Variants in TLK1 observed in about 807,000 individuals in gnomAD.
TLK1 encodes tousled like kinase 1, also known as serine/threonine-protein kinase tousled-like 1.
Under a neutral mutation model 105.3 loss-of-function variants are expected in TLK1, and 24 were observed. That is an observed-to-expected ratio of 0.23 (90% CI 0.17 to 0.32). The LOEUF (loss-of-function observed/expected upper bound fraction) is 0.32, where lower values mean the gene tolerates loss of function less well. Ranked by LOEUF, TLK1 falls within the 10% of genes least tolerant of loss-of-function variation. TLK1 has a pLI of 1.00. For missense variants in TLK1, 558 were observed against 910.5 expected, an observed-to-expected ratio of 0.61 and a Z score of 4.98; for synonymous variants, 321 against 310.4, an observed-to-expected ratio of 1.03 and a Z score of -0.36.
intron 1 of TLK1, among the ~76,000 whole-genome samples, chr2:171,118,423 A>T (rs1322073441): frequency 6.6e-6 from 1 of 152,232 alleles, no homozygotes; most frequent in Non-Finnish European, 1.5e-5. Context: ...TAAACTATAA[A>T]GAACTGTTTT....
chr2:171,120,248 GAAAAAAAA>G (rs71008751), intron 1 of TLK1, among the ~76,000 whole-genome samples: 3 of 47,054 alleles, frequency 6.4e-5, no homozygotes, highest in South Asian at 9.7e-4. Flanking sequence ...GACTCCGTCA[GAAAAAAAA>G]AAAAAAAAAA....
Position 171,160,796 on chromosome 2 carries a change from C to T in TLK1, c.-368G>A, listed in dbSNP as rs1692463929. ...GCCGAGGACACTTCCGCGGGCGGAA[C>T]CTGCCGGCACCTCTGCAGTGCGTCG... On this transcript the variant is annotated 5_prime_UTR_variant, in exon 1 of 21. Coordinates refer to ENST00000431350, the MANE Select transcript of TLK1 (RefSeq NM_012290.5). The surrounding 1 kb of genome is among the most constrained non-coding windows in gnomAD (Gnocchi z 4.4). The T allele has an allele frequency of 2.1e-5, 8 of 390,006 alleles. No homozygotes were observed. In the South Asian group the frequency reaches 8.7e-4, roughly 42 times the overall value. 24.2% of individuals were successfully genotyped at this position (390,006 alleles called of 1,614,324 possible).
At chr2:171,128,984 A>ATGTG in intron 1 of TLK1, among the ~76,000 whole-genome samples, 1 of 150,088 alleles carries the variant, frequency 6.7e-6, no homozygotes, top group South Asian at 2.1e-4. Context: ...GTGTGTGTGT[A>ATGTG]TGTGTGTGTG....
chr2:171,049,793 T>TAA, intron 10 of TLK1, 21 bp downstream of exon 10: 2 of 1,611,622 alleles, frequency 1.2e-6, no homozygotes, highest in African/African-American at 2.7e-5. Context: ...TAAAAACTTT[T>TAA]AAATGTTAAG....
At chr2:171,153,457 T>C (rs1016191812) in intron 1 of TLK1, among the ~76,000 whole-genome samples, 6 of 152,254 alleles carry the variant, frequency 3.9e-5, no homozygotes, top group African/African-American at 1.2e-4. Context: ...AGAGAGATGA[T>C]GTATGTGAAA....
intron 1 of TLK1, among the ~76,000 whole-genome samples, chr2:171,130,441 G>A (rs1575616037): frequency 1.3e-5 from 2 of 152,096 alleles, no homozygotes; most frequent in Non-Finnish European, 1.5e-5. Flanking sequence ...TCCATCACAG[G>A]GTTGTTCACA....
chr2:171,060,928 G>A (rs1198736275), intron 4 of TLK1, among the ~76,000 whole-genome samples, 153 bp downstream of exon 4: 1 of 152,110 alleles, frequency 6.6e-6, no homozygotes, highest in African/African-American at 2.4e-5. Flanking sequence ...ACATTGAAAA[G>A]CCTAAAAGCA....
chr2:171,200,763 A>G (rs1356118525), intron 1 of TLK1, among the ~76,000 whole-genome samples: 2 of 152,174 alleles, frequency 1.3e-5, no homozygotes, highest in Non-Finnish European at 2.9e-5. Context: ...TTAAGTCTTA[A>G]TTAGCAACAG....
chr2:171,172,268 G>A (rs749153562), intron 1 of TLK1, among the ~76,000 whole-genome samples: 31 of 152,168 alleles, frequency 2.0e-4, no homozygotes, highest in Non-Finnish European at 3.7e-4. Flanking sequence ...GAGGATAGGA[G>A]GGAGGCTTCT....
At chr2:171,076,159 A>G (rs1254016928) in intron 3 of TLK1, among the ~76,000 whole-genome samples, 1 of 151,484 alleles carries the variant, frequency 6.6e-6, no homozygotes, top group Admixed American at 6.6e-5. Flanking sequence ...GGGAAGTTGC[A>G]GTGAGCCAAG....
intron 2 of TLK1, among the ~76,000 whole-genome samples, chr2:171,098,680 C>T (rs1295662112): frequency 2.0e-5 from 3 of 152,138 alleles, no homozygotes; most frequent in African/African-American, 7.2e-5. Flanking sequence ...AAGAAAATTA[C>T]AGATCAATAT....
chr2:171,084,320 G>A (rs1185552693), intron 2 of TLK1, among the ~76,000 whole-genome samples: 2 of 152,190 alleles, frequency 1.3e-5, no homozygotes, highest in African/African-American at 2.4e-5. Context: ...GAGCAGTCTA[G>A]CCTCCACGAA....
intron 1 of TLK1, among the ~76,000 whole-genome samples, chr2:171,142,707 A>C (rs1293227069): frequency 6.6e-6 from 1 of 152,252 alleles, no homozygotes; most frequent in Non-Finnish European, 1.5e-5. Context: ...AATAGGAGCA[A>C]ACAAATGCAA....
intron 1 of TLK1, among the ~76,000 whole-genome samples, chr2:171,182,931 A>AGAAAGAAAGAAAGAAAGAAAG (rs1692952001): frequency 8.9e-6 from 1 of 111,960 alleles, no homozygotes; most frequent in African/African-American, 6.0e-5. Context: ...CCAAAAAAAA[A>AGAAAGAAAGAAAGAAAGAAAG]AAAAAAAGAA....
intron 2 of TLK1, among the ~76,000 whole-genome samples, chr2:171,114,668 C>T (rs1420049392): frequency 6.6e-6 from 1 of 152,128 alleles, no homozygotes; most frequent in African/African-American, 2.4e-5. Flanking sequence ...AACCTCTTCA[C>T]TACTAAAAAT....
chr2:171,065,152 A>G (rs1383255029), intron 3 of TLK1, among the ~76,000 whole-genome samples: 1 of 152,320 alleles, frequency 6.6e-6, no homozygotes, highest in East Asian at 1.9e-4. Context: ...AAAACAGATA[A>G]CCACCTGTAT....
At chr2:171,012,507 G>A (rs944693546) in intron 13 of TLK1, among the ~76,000 whole-genome samples, 3 of 151,786 alleles carry the variant, frequency 2.0e-5, no homozygotes, top group African/African-American at 7.3e-5. Context: ...ATTTTTTGGA[G>A]ACAGAGTCTC....
At chr2:171,073,946 A>G (rs1275431605) in intron 3 of TLK1, among the ~76,000 whole-genome samples, 1 of 127,734 alleles carries the variant, frequency 7.8e-6, no homozygotes, top group Non-Finnish European at 1.6e-5. Context: ...GCTGGAGTGC[A>G]GTGGTGCAAT....
Position 171,055,163 on chromosome 2 carries a change from T to C in TLK1, c.559A>G (p.Asn187Asp). The change falls in exon 7 of 21, where the codon AAT becomes GAT. Residue 187 changes from asparagine (N) to aspartate (D), a missense_variant. Around this residue, in one of 5 missense-constraint regions of TLK1, gnomAD observed 196 missense variants for 239.3 expected, o/e 0.82. Coordinates refer to ENST00000431350, the MANE Select transcript of TLK1 (RefSeq NM_012290.5). ...HSTPSSSVRP[N>D]SPSPTALAFG... The stretch of plus-strand genomic sequence containing the variant: ...GCTAATGCAGTAGGAGAAGGGCTAT[T>C]CGGTCGAACCTAAAGAAATTATTAA... 1 of 1,469,090 alleles carries C rather than the reference T, an allele frequency of 6.8e-7. No individual in the cohort carries two copies. The highest frequency in any genetic ancestry group is 9.0e-7 in the Non-Finnish European group (1 of 1,116,638). 91.0% of individuals were successfully genotyped at this position (1,469,090 alleles called of 1,614,324 possible). A position where few individuals can be genotyped will look rare whatever the true frequency, so the allele number is the denominator to read the frequency against.
Sources: allele counts gnomAD v4.1 joint callset (sites outside exome capture counted in the v4.1 genomes callset), GRCh38; gene constraint gnomAD v4.1.1; regional missense constraint gnomAD v4.1.1; non-coding constraint Gnocchi (gnomAD v3.1); transcripts MANE v1.5; gene names NCBI Gene and HGNC (gene_info 2026-07-23, HGNC 2026-07-21).